The following ELFN1 variants were observed in gnomAD, a reference collection of about 807,000 sequenced individuals.
ELFN1 encodes protein ELFN1.
ELFN1 carries 6 observed loss-of-function variants against 7.6 expected under a neutral mutation model. The ratio of observed to expected loss-of-function variants is 0.79; its 90% CI spans 0.43 to 1.56. ELFN1 has a LOEUF of 1.56. Among genes scored for constraint, ELFN1 ranks in the 40% most tolerant of loss-of-function variants. The pLI, the probability that ELFN1 is intolerant of heterozygous loss-of-function variation, is 0.01. For synonymous variants in ELFN1, 657 were observed against 588.1 expected (o/e 1.12, Z -1.70); for missense variants, 1,169 against 1,232.2 (o/e 0.95, Z 0.77).
rs1372607427 is a variant in ELFN1, at chr7:1,745,306, G to A, written c.710G>A (p.Arg237His). Residue 237 changes from arginine to histidine, a missense_variant, in exon 4 of 4, where the codon CGC becomes CAC. By Grantham distance (29) the Arg-to-His change is conservative. Around this residue, in one of 2 missense-constraint regions of ELFN1, gnomAD observed 255 missense variants for 359.6 expected, o/e 0.71. Transcript: ENST00000424383. Reference protein sequence around the residue: ...SGYYLLGQGRRGHRSILSKLQ... With the variant: ...SGYYLLGQGRHGHRSILSKLQ... ...TACTACCTCCTGGGCCAGGGCCGCC[G>A]CGGCCACCGCAGCATCCTCAGCAAA... 14 of 1,538,538 alleles carry A rather than the reference G, an allele frequency of 9.1e-6. No individual in the cohort carries two copies. Among genetic ancestry groups the A allele is most frequent in the Admixed American group, 3.9e-5 (2 of 50,976 alleles).
intron 3 of ELFN1, among the ~76,000 whole-genome samples, chr7:1,715,635 A>G (rs777998229): frequency 6.6e-6 from 1 of 152,094 alleles, no homozygotes; most frequent in Non-Finnish European, 1.5e-5. Context: ...CTGCTCCTAG[A>G]TCTTCATTTG....
At chr7:1,714,032 C>T (rs2128589578) in intron 3 of ELFN1, among the ~76,000 whole-genome samples, 1 of 152,328 alleles carries the variant, frequency 6.6e-6, no homozygotes, top group African/African-American at 2.4e-5. Flanking sequence ...ACGCCGGCTC[C>T]CCGAGTCCCC....
chr7:1,689,779 G>A (rs1779122774), intron 2 of ELFN1, among the ~76,000 whole-genome samples: 1 of 152,190 alleles, frequency 6.6e-6, no homozygotes, highest in Non-Finnish European at 1.5e-5. Flanking sequence ...TGAGTGTCTT[G>A]CCCAGATTCA....
chr7:1,746,073 G>T lies in ELFN1; in HGVS notation c.1477G>T (p.Ala493Ser). 2 of 1,547,034 alleles carry T rather than the reference G, an allele frequency of 1.3e-6. No individual in the cohort carries two copies. The highest frequency in any genetic ancestry group is 1.7e-6 in the Non-Finnish European group (2 of 1,145,274). The change falls in exon 4 of 4, where the codon GCC becomes TCC. Residue 493 changes from alanine to serine, a missense_variant. Transcript: ENST00000424383. ...CCAGGGCCCGCTGCTGGGCCCCGAG[G>T]CCGTGACGCGCATCCCTTACCTGCC... ...LSQGPLLGPE[A>S]VTRIPYLPAA...
chr7:1,715,573 C>T (rs550971335), intron 3 of ELFN1, among the ~76,000 whole-genome samples: 1 of 152,240 alleles, frequency 6.6e-6, no homozygotes, highest in African/African-American at 2.4e-5. Context: ...GCCCCTTCCC[C>T]GCTGCAATCA....
chr7:1,700,793 T>G (rs115230110), intron 2 of ELFN1, among the ~76,000 whole-genome samples: 4,352 of 152,326 alleles, frequency 0.029, 223 homozygotes, highest in African/African-American at 0.1. Flanking sequence ...GCTTGAAGCC[T>G]CGCCGGTCTG....
rs1319765088 is a variant in ELFN1, at chr7:1,739,039, G to T, written c.-293-5265G>T. 2.0e-5 allele frequency: 3 copies of T among 152,226 alleles called. No individual in the cohort carries two copies. Among genetic ancestry groups the T allele is most frequent in the African/African-American group, 7.2e-5 (3 of 41,406 alleles). 9.4% of individuals were successfully genotyped at this position (152,226 alleles called of 1,614,324 possible). A position where few individuals can be genotyped will look rare whatever the true frequency, so the allele number is the denominator to read the frequency against. ...TGCAGGTTCTTCAGCCAGGAAGGGG[G>T]CATGCACCAGAGGACTGGGAGTGAG... On this transcript the variant is annotated intron_variant, in intron 3 of 3. Coordinates refer to ENST00000424383, the MANE Select transcript of ELFN1 (RefSeq NM_001128636.4). This position sits in a 1 kb window ranked among gnomAD's most constrained non-coding sequence, Gnocchi z 4.6.
At chr7:1,696,718 A>G (rs1374580499) in intron 2 of ELFN1, among the ~76,000 whole-genome samples, 1 of 152,048 alleles carries the variant, frequency 6.6e-6, no homozygotes, top group Non-Finnish European at 1.5e-5. Flanking sequence ...CCTTCCTTGT[A>G]AAGGCTCTAA....
chr7:1,675,970 G>A (rs754492144), intron 1 of ELFN1, among the ~76,000 whole-genome samples: 6 of 152,186 alleles, frequency 3.9e-5, no homozygotes, highest in Non-Finnish European at 7.4e-5. Context: ...TCTCCTGGGC[G>A]TGGACTCTGG....
chr7:1,684,134 A>G (rs1225408132), intron 1 of ELFN1, among the ~76,000 whole-genome samples: 1 of 152,094 alleles, frequency 6.6e-6, no homozygotes, highest in Admixed American at 6.5e-5. Context: ...TGGGTGACAG[A>G]ATGAGACCCT....
intron 3 of ELFN1, among the ~76,000 whole-genome samples, chr7:1,729,958 C>G (rs1385849910): frequency 6.6e-6 from 1 of 152,232 alleles, no homozygotes. Flanking sequence ...CGGGGGTGGT[C>G]TCACAGGCCT....
chr7:1,695,640 G>A lies in ELFN1; in HGVS notation c.-456+7490G>A, dbSNP rs1779286604. Reference sequence around the variant, plus strand: ...TGGACACCTGTAATCCCAGTTACTTGGGAGGCTGAGGCAGGGAGAATTGTT... The same window carrying A: ...TGGACACCTGTAATCCCAGTTACTTAGGAGGCTGAGGCAGGGAGAATTGTT... On this transcript the variant is annotated intron_variant, in intron 2 of 3. Transcript: ENST00000424383. The surrounding 1 kb of genome is among the most constrained non-coding windows in gnomAD (Gnocchi z 5.1). Among the ~76,000 whole-genome samples the A allele has an allele frequency of 6.6e-6, 1 of 151,772 alleles. No individual in the cohort carries two copies. The highest frequency in any genetic ancestry group is 1.5e-5 in the Non-Finnish European group (1 of 67,948).
In ELFN1 at chr7:1,745,268, C is replaced by T. The variant is rs372638912; in HGVS notation, c.672C>T (p.Pro224=). 11 of 1,538,684 alleles carry T rather than the reference C, an allele frequency of 7.1e-6. No individual in the cohort carries two copies. Among genetic ancestry groups the T allele is most frequent in the African/African-American group, 1.4e-5 (1 of 73,056 alleles). ...ACCGCATGCAGTGCGAGTCGCCGCC[C>T]GTCTACTCCGGCTACTACCTCCTGG... is the stretch of plus-strand genomic sequence containing the variant. The part of the protein sequence containing the change: ...TYDRMQCESP[P]VYSGYYLLGQ... Residue 224 remains proline, a synonymous_variant, in exon 4 of 4, where the codon CCC becomes CCT. Transcript: ENST00000424383.
intron 3 of ELFN1, among the ~76,000 whole-genome samples, chr7:1,722,139 C>T (rs1231197661): frequency 6.6e-6 from 1 of 152,132 alleles, no homozygotes; most frequent in African/African-American, 2.4e-5. Flanking sequence ...GAAGTGGGCA[C>T]ATTAACAAGT....
intron 3 of ELFN1, among the ~76,000 whole-genome samples, chr7:1,712,337 G>T (rs932122130): frequency 6.6e-6 from 1 of 152,054 alleles, no homozygotes; most frequent in Non-Finnish European, 1.5e-5. Context: ...AGCCAGGGTG[G>T]TCTCGATCTC....
intron 3 of ELFN1, among the ~76,000 whole-genome samples, chr7:1,741,021 T>C (rs536558432): frequency 1.7e-4 from 26 of 151,676 alleles, no homozygotes; most frequent in African/African-American, 5.1e-4. Context: ...TCCCAGCTAC[T>C]TGAGAGGCTG....
chr7:1,693,142 C>T (rs1779208824), intron 2 of ELFN1: 2 of 350,642 alleles, frequency 5.7e-6, no homozygotes, highest in Non-Finnish European at 1.1e-5. Context: ...AGTGACTGCC[C>T]ATGCAGACCC....
intron 2 of ELFN1, among the ~76,000 whole-genome samples, chr7:1,706,377 G>T (rs1779530428): frequency 6.6e-6 from 1 of 152,094 alleles, no homozygotes. Flanking sequence ...AGCCGAGATG[G>T]TACCACTGCA....
rs1779519387 is a variant in ELFN1, at chr7:1,705,859, G to A, written c.-455-3232G>A. On this transcript the variant is annotated intron_variant, in intron 2 of 3. Transcript: ENST00000424383. The surrounding 1 kb of genome is among the most constrained non-coding windows in gnomAD (Gnocchi z 4.3). ...ACTGCCTGTGTATTTTCCAGGGTGG[G>A]TTCTTAGCTTTGACCCCTCCAGCCC... Among the ~76,000 whole-genome samples, 1 of 152,206 alleles carries A rather than the reference G, an allele frequency of 6.6e-6. No individual in the cohort carries two copies. The highest frequency in any genetic ancestry group is 1.5e-5 in the Non-Finnish European group (1 of 68,038).
Sources: gnomAD v4.1 joint callset for allele counts (sites outside exome capture counted in the v4.1 genomes callset) on GRCh38, gnomAD v4.1.1 for gene constraint, gnomAD v4.1.1 regional missense constraint, Gnocchi (gnomAD v3.1) non-coding constraint, MANE v1.5 for transcripts, NCBI Gene and HGNC (gene_info 2026-07-23, HGNC 2026-07-21) for gene names.